Variants in SUGCT observed in about 807,000 individuals in gnomAD.
SUGCT encodes the protein succinyl-CoA:glutarate-CoA transferase.
SUGCT carries 41 observed loss-of-function variants against 55.0 expected under a neutral mutation model. The ratio of observed to expected loss-of-function variants is 0.74; its 90% CI spans 0.58 to 0.97. SUGCT has a LOEUF of 0.97. Among genes scored for constraint, SUGCT ranks in the 50% least tolerant of loss-of-function variants. The pLI is 0.00. For synonymous variants in SUGCT, 187 were observed against 200.4 expected (o/e 0.93, Z 0.56); for missense variants, 568 against 547.8 (o/e 1.04, Z -0.37).
In SUGCT at chr7:40,510,069, T is replaced by C. The variant is rs116570674; in HGVS notation, c.1089+13683T>C. Among the ~76,000 whole-genome samples, 433 of 152,202 alleles carry C rather than the reference T, an allele frequency of 2.8e-3. 3 individuals carry two copies. Among genetic ancestry groups the C allele is most frequent in the African/African-American group, 9.7e-3 (404 of 41,542 alleles). ...AGTACTTATTCATGGGAATTTGAAT[T>C]TTCATAGTATATATAATTCAAGCTA... On this transcript the variant is annotated intron_variant, in intron 12 of 13. Transcript: ENST00000335693.
At chr7:40,147,890 G>T (rs1788346634) in intron 1 of SUGCT, among the ~76,000 whole-genome samples, 1 of 152,218 alleles carries the variant, frequency 6.6e-6, no homozygotes, top group African/African-American at 2.4e-5. Context: ...TTAATTCTCA[G>T]CAAGGCAATG....
At chr7:40,627,697 T>TAGCAAA (rs1273034433) in intron 12 of SUGCT, among the ~76,000 whole-genome samples, 1 of 151,752 alleles carries the variant, frequency 6.6e-6, no homozygotes. Context: ...GGTGGGGGTT[T>TAGCAAA]GCAAAGGGAG....
At chr7:40,470,791 C>G (rs904082391) in intron 11 of SUGCT, among the ~76,000 whole-genome samples, 3 of 152,004 alleles carry the variant, frequency 2.0e-5, no homozygotes, top group Admixed American at 1.3e-4. Context: ...GTCTTTCTCT[C>G]TCTGTCACAC....
chr7:40,713,746 G>C (rs1785856481), intron 12 of SUGCT, among the ~76,000 whole-genome samples: 1 of 152,070 alleles, frequency 6.6e-6, no homozygotes, highest in Non-Finnish European at 1.5e-5. Flanking sequence ...TGTTTGTCTG[G>C]GAATTATCAG....
the SUGCT span, among the ~76,000 whole-genome samples, chr7:41,000,789 G>A: frequency 6.6e-6 from 1 of 152,126 alleles, no homozygotes; most frequent in Non-Finnish European, 1.5e-5. Context: ...AAAAGATGGG[G>A]CCCTTGCTAG....
At chr7:40,622,522 G>A (rs1331634495) in intron 12 of SUGCT, among the ~76,000 whole-genome samples, 1 of 121,942 alleles carries the variant, frequency 8.2e-6, no homozygotes, top group Non-Finnish European at 1.7e-5. Flanking sequence ...CATGTTTGTT[G>A]TGGTTGTTTT....
chr7:40,367,520 A>T (rs962826749), intron 9 of SUGCT, among the ~76,000 whole-genome samples: 3 of 151,974 alleles, frequency 2.0e-5, no homozygotes, highest in South Asian at 4.2e-4. Flanking sequence ...ACTAAACAAC[A>T]CCTGTGCCCC....
intron 8 of SUGCT, among the ~76,000 whole-genome samples, chr7:40,292,876 A>T (rs1793875702): frequency 6.6e-6 from 1 of 152,174 alleles, no homozygotes; most frequent in South Asian, 2.1e-4. Context: ...AATTTAGTTT[A>T]TTCTGATACA....
the SUGCT span, among the ~76,000 whole-genome samples, chr7:41,001,914 A>C: frequency 0.026 from 3,885 of 152,338 alleles, 161 homozygotes; most frequent in South Asian, 0.18. Flanking sequence ...AGTATACAGA[A>C]AGAATCTGAT....
intron 12 of SUGCT, among the ~76,000 whole-genome samples, chr7:40,634,597 T>G (rs574771818): frequency 6.6e-6 from 1 of 152,240 alleles, no homozygotes; most frequent in East Asian, 1.9e-4. Context: ...TAGAAAGAGA[T>G]AAAAACAATG....
intron 12 of SUGCT, among the ~76,000 whole-genome samples, chr7:40,650,054 A>G (rs942571915): frequency 1.3e-5 from 2 of 152,184 alleles, no homozygotes; most frequent in African/African-American, 4.8e-5. Context: ...GAAGGTTCAA[A>G]TGGGGGGAAT....
chr7:40,303,277 G>A (rs545821405), intron 8 of SUGCT, among the ~76,000 whole-genome samples: 3 of 151,938 alleles, frequency 2.0e-5, no homozygotes, highest in South Asian at 4.2e-4. Context: ...CAGGTGATCC[G>A]CCTGCCTCGG....
intron 9 of SUGCT, among the ~76,000 whole-genome samples, chr7:40,350,338 G>A (rs185138963): frequency 0.012 from 1,740 of 147,858 alleles, 14 homozygotes; most frequent in Middle Eastern, 0.018. Flanking sequence ...ATTTTTAAGA[G>A]AGTCTCACTC....
intron 11 of SUGCT, among the ~76,000 whole-genome samples, chr7:40,477,279 A>G (rs1790751714): frequency 6.6e-6 from 1 of 152,172 alleles, no homozygotes; most frequent in Admixed American, 6.5e-5. Flanking sequence ...GAAATGAATA[A>G]TTTAAAGGAA....
chr7:40,599,099 C>G (rs888166944), intron 12 of SUGCT, among the ~76,000 whole-genome samples: 2 of 152,132 alleles, frequency 1.3e-5, no homozygotes, highest in African/African-American at 4.8e-5. Flanking sequence ...ACTTCCGATG[C>G]CACGGGAAGC....
chr7:40,651,646 T>A (rs187258254), intron 12 of SUGCT, among the ~76,000 whole-genome samples: 17 of 152,352 alleles, frequency 1.1e-4, no homozygotes, highest in Non-Finnish European at 1.8e-4. Flanking sequence ...AGAATTTTTT[T>A]AATCTTTTAT....
At chr7:40,666,306 C>T (rs116060460) in intron 12 of SUGCT, among the ~76,000 whole-genome samples, 24,629 of 149,286 alleles carry the variant, frequency 0.16, 2,135 homozygotes, top group Middle Eastern at 0.21. Context: ...GCCACGATCA[C>T]ACCTTGCACT....
At chr7:40,328,514 A>G (rs1250476326) in intron 9 of SUGCT, among the ~76,000 whole-genome samples, 1 of 152,158 alleles carries the variant, frequency 6.6e-6, no homozygotes, top group Non-Finnish European at 1.5e-5. Context: ...GGAGTATTCC[A>G]GGGCCTAAGG....
chr7:40,581,104 G>T (rs140571207), intron 12 of SUGCT, among the ~76,000 whole-genome samples: 1 of 152,328 alleles, frequency 6.6e-6, no homozygotes, highest in East Asian at 1.9e-4. Context: ...GTGCTTCGCT[G>T]TTTATTTAAT....
Sources: allele counts gnomAD v4.1 joint callset (sites outside exome capture counted in the v4.1 genomes callset), GRCh38; gene constraint gnomAD v4.1.1; transcripts MANE v1.5; gene names NCBI Gene and HGNC (gene_info 2026-07-23, HGNC 2026-07-21).